Variants in APTX observed in about 807,000 individuals in gnomAD.
The protein encoded by APTX is aprataxin, also known as forkhead-associated domain histidine triad-like protein.
A neutral mutation model predicts 42.3 loss-of-function variants in APTX; 33 were observed. The ratio of observed to expected loss-of-function variants is 0.78; its 90% CI spans 0.59 to 1.04. APTX has a LOEUF of 1.04. Among genes scored for constraint, APTX ranks in the 50% least tolerant of loss-of-function variants. The pLI is 0.00. For synonymous variants in APTX, 130 were observed against 146.7 expected (o/e 0.89, Z 0.82); for missense variants, 421 against 415.1 (o/e 1.01, Z -0.12).
At chr9:32,988,895 C>A (rs1013392227) in intron 2 of APTX, among the ~76,000 whole-genome samples, 1 of 152,128 alleles carries the variant, frequency 6.6e-6, no homozygotes, top group South Asian at 2.1e-4. Context: ...AAGATGATTG[C>A]AGAGACAGAA....
chr9:32,990,598 T>C (rs1484534145), intron 1 of APTX, among the ~76,000 whole-genome samples: 1 of 152,216 alleles, frequency 6.6e-6, no homozygotes, highest in Non-Finnish European at 1.5e-5. Context: ...CAGAATCATA[T>C]ACCAATATAT....
chr9:32,996,742 G>A (rs981016640), intron 1 of APTX, among the ~76,000 whole-genome samples: 2 of 152,168 alleles, frequency 1.3e-5, no homozygotes, highest in Non-Finnish European at 2.9e-5. Flanking sequence ...TGTTTAATGT[G>A]GATGTAATTC....
chr9:32,980,949 A>C (rs1439169465), intron 6 of APTX, among the ~76,000 whole-genome samples: 1 of 152,230 alleles, frequency 6.6e-6, no homozygotes, highest in Non-Finnish European at 1.5e-5. Context: ...AATAATCAAA[A>C]TCAATCAACA....
intron 2 of APTX, among the ~76,000 whole-genome samples, chr9:32,988,894 G>T (rs1832861130): frequency 6.6e-6 from 1 of 152,188 alleles, no homozygotes; most frequent in South Asian, 2.1e-4. Context: ...AAAGATGATT[G>T]CAGAGACAGA....
chr9:32,992,780 T>G (rs548293215), intron 1 of APTX, among the ~76,000 whole-genome samples: 3 of 152,200 alleles, frequency 2.0e-5, no homozygotes, highest in Admixed American at 1.3e-4. Flanking sequence ...GTGAGGAGGC[T>G]GTTAATATAA....
At chr9:32,977,341 C>T (rs1708765723) in intron 6 of APTX, among the ~76,000 whole-genome samples, 1 of 151,910 alleles carries the variant, frequency 6.6e-6, no homozygotes, top group Non-Finnish European at 1.5e-5. Flanking sequence ...TTTTAATCAG[C>T]CAGGCATGGT....
Position 32,986,043 on chromosome 9 carries a change from CAAAAAAAAAAACA to C in APTX, c.484-26_484-14del. On this transcript the variant is annotated splice_polypyrimidine_tract_variant and intron_variant, in intron 4 of 7. Transcript: ENST00000379817. ...GGCCCAGGGATTCCTAAAAAAAAAA[CAAAAAAAAAAACA>C]AAAAAAAAAAAAAACAAGCAATGTA... 7.2e-5 allele frequency: 71 copies of C among 985,210 alleles called. No homozygotes were observed. The highest frequency in any genetic ancestry group is 8.2e-5 in the Non-Finnish European group (58 of 709,484). The allele number at this position is 985,210 out of a possible 1,614,324, so 61.0% of individuals were successfully genotyped here.
upstream of APTX, among the ~76,000 whole-genome samples, chr9:33,006,463 T>G (rs957230608): frequency 2.6e-5 from 4 of 152,114 alleles, no homozygotes; most frequent in African/African-American, 9.7e-5. Flanking sequence ...TTTAAGATTT[T>G]GAGACTCCTG....
chr9:32,977,641 G>T (rs1829751318), intron 6 of APTX, among the ~76,000 whole-genome samples: 1 of 152,036 alleles, frequency 6.6e-6, no homozygotes, highest in Non-Finnish European at 1.5e-5. Context: ...GACCAGCCTG[G>T]CCAATATGAC....
chr9:33,022,121 A>C (rs1054249840), intron 1 of APTX, among the ~76,000 whole-genome samples: 1 of 152,168 alleles, frequency 6.6e-6, no homozygotes, highest in Admixed American at 6.5e-5. Context: ...TAAAAATTAA[A>C]ATCTTTATAT....
intron 1 of APTX, among the ~76,000 whole-genome samples, chr9:33,013,436 T>A (rs1346470814): frequency 6.6e-6 from 1 of 152,172 alleles, no homozygotes; most frequent in East Asian, 1.9e-4. Context: ...AAGGTAAAGT[T>A]ACACAGCAGA....
rs1427697513 is a variant in APTX, at chr9:33,001,606, T to C, written c.-44A>G. 1.2e-6 allele frequency: 2 copies of C among 1,613,972 alleles called. No individual in the cohort carries two copies. The highest frequency in any genetic ancestry group is 1.3e-5 in the African/African-American group (1 of 75,070). ...GACGGACAAATTCACGTTACTCATC[T>C]GTGCCTCACCGCTTCCGGCGCTGCG... is the stretch of plus-strand genomic sequence containing the variant. On this transcript the variant is annotated 5_prime_UTR_variant, in exon 1 of 8. Transcript: ENST00000379817.
upstream of APTX, among the ~76,000 whole-genome samples, chr9:33,003,256 G>T (rs1836843452): frequency 6.6e-6 from 1 of 152,178 alleles, no homozygotes; most frequent in Admixed American, 6.5e-5. Flanking sequence ...CTAGTCCATT[G>T]TCTATAGTGT....
chr9:32,973,731 C>T (rs773507611), intron 7 of APTX, 79 bp from the exon 8 acceptor site: 1 of 1,376,854 alleles, frequency 7.3e-7, no homozygotes, highest in Admixed American at 1.8e-5. Flanking sequence ...AAAAAAAAAT[C>T]AAAAACGTGA....
intron 1 of APTX, among the ~76,000 whole-genome samples, chr9:32,995,504 G>A (rs1305241154): frequency 6.6e-6 from 1 of 152,192 alleles, no homozygotes; most frequent in Admixed American, 6.5e-5. Context: ...TACTTTAATG[G>A]ATGAGGAGTT....
chr9:33,011,396 T>G (rs1298893466), intron 1 of APTX, among the ~76,000 whole-genome samples: 2 of 151,686 alleles, frequency 1.3e-5, no homozygotes, highest in African/African-American at 4.8e-5. Context: ...CAAGGAATTC[T>G]CCTGCCTCAG....
rs10971273 is a variant in APTX at position 32,990,212 on chromosome 9, C to T, written c.-4-317G>A. ...TTTTGAGACAGAGTCTCGCTGTGTC[C>T]CCCAGGCTGGCACGCAGTGGCACAA... is the stretch of plus-strand genomic sequence containing the variant. On this transcript the variant is annotated intron_variant, in intron 1 of 7. Coordinates refer to ENST00000379817, the MANE Select transcript of APTX (RefSeq NM_001195248.2). The T allele has an allele frequency of 0.075, 18,566 of 247,654 alleles. 942 individuals are homozygous for T. Among genetic ancestry groups the T allele is most frequent in the Non-Finnish European group, 0.11 (13,303 of 126,174 alleles). The allele number at this position is 247,654 out of a possible 1,614,324, so 15.3% of individuals were successfully genotyped here.
chr9:32,987,406 C>A, intron 4 of APTX, 138 bp downstream of exon 4: 1 of 1,236,094 alleles, frequency 8.1e-7, no homozygotes, highest in South Asian at 1.3e-5. Flanking sequence ...AAATGATTTT[C>A]ACGCCACAAA....
intron 1 of APTX, among the ~76,000 whole-genome samples, chr9:32,995,615 T>C (rs1026636215): frequency 2.6e-5 from 4 of 152,064 alleles, no homozygotes; most frequent in South Asian, 2.1e-4. Context: ...GGGCTGGGTG[T>C]TATGGCTCAC....
Sources: allele counts gnomAD v4.1 joint callset (sites outside exome capture counted in the v4.1 genomes callset), GRCh38; gene constraint gnomAD v4.1.1; transcripts MANE v1.5; gene names NCBI Gene and HGNC (gene_info 2026-07-23, HGNC 2026-07-21).